RAB5B: variants seen among roughly 807,000 people sequenced by gnomAD.
RAB5B encodes RAB5B, member RAS oncogene family, also known as ras-related protein Rab-5B.
Under a neutral mutation model 28.6 loss-of-function variants are expected in RAB5B, and 11 were observed. The observed-to-expected ratio is 0.38, with a 90% CI of 0.24 to 0.64. RAB5B has a LOEUF of 0.64. Among genes scored for constraint, RAB5B ranks in the 30% least tolerant of loss-of-function variants. The pLI is 0.53. For missense variants in RAB5B, 169 were observed against 265.6 expected, an observed-to-expected ratio of 0.64 and a Z score of 2.53; for synonymous variants, 93 against 97.9, an observed-to-expected ratio of 0.95 and a Z score of 0.29.
rs763965433 is a variant in RAB5B, at chr12:55,992,148, G to C, written c.584G>C (p.Arg195Pro). 15 of 1,614,048 alleles carry C rather than the reference G, an allele frequency of 9.3e-6. No individual in the cohort carries two copies. Among genetic ancestry groups the C allele is most frequent in the Non-Finnish European group, 1.3e-5 (15 of 1,180,024 alleles). Reference sequence around the variant, plus strand: ...CAGAATCTGGGAGGTGCAGCAGGCCGAAGCCGGGGTGTGGATCTCCATGAA... The same window carrying C: ...CAGAATCTGGGAGGTGCAGCAGGCCCAAGCCGGGGTGTGGATCTCCATGAA... ...EPQNLGGAAGRSRGVDLHEQS... is the reference protein window; with the variant it reads ...EPQNLGGAAGPSRGVDLHEQS... Residue 195 changes from arginine (R) to proline (P), a missense_variant, in exon 6 of 6, where the codon CGA (arginine) becomes CCA (proline). By Grantham distance (103) the Arg-to-Pro change is moderately radical (BLOSUM62 -2). This residue lies in a region of RAB5B where 123 missense variants were observed against 162.4 expected (regional missense o/e 0.76). Coordinates refer to ENST00000360299, the MANE Select transcript of RAB5B (RefSeq NM_002868.4).
At position 55,992,290 on chromosome 12, in the gene RAB5B, C is replaced by T; in HGVS notation, c.*78C>T. 1 of 1,241,262 alleles carries T rather than the reference C, an allele frequency of 8.1e-7. No individual in the cohort carries two copies. The highest frequency in any genetic ancestry group is 1.3e-5 in the South Asian group (1 of 79,010). 76.9% of individuals were successfully genotyped at this position (1,241,262 alleles called of 1,614,324 possible). A position where few individuals can be genotyped will look rare whatever the true frequency, so the allele number is the denominator to read the frequency against. Reference sequence around the variant, plus strand: ...ACCTCCATCCCTACCCCTCAGCACACAACCCCTACGGTAACAGCACACTGA... The same window carrying T: ...ACCTCCATCCCTACCCCTCAGCACATAACCCCTACGGTAACAGCACACTGA... On this transcript the variant is annotated 3_prime_UTR_variant, in exon 6 of 6. Coordinates refer to ENST00000360299, the MANE Select transcript of RAB5B (RefSeq NM_002868.4).
intron 5 of RAB5B, 59 bp from the exon 6 acceptor site, chr12:55,992,038 G>A (rs1485077980): frequency 3.0e-6 from 4 of 1,348,568 alleles, no homozygotes; most frequent in Non-Finnish European, 4.2e-6. Context: ...GCGGGTGGAG[G>A]CAGAGGGGTA....
At chr12:55,979,236 T>C (rs1260234945) in intron 1 of RAB5B, 1 of 152,176 alleles carries the variant, frequency 6.6e-6, no homozygotes, top group Admixed American at 6.5e-5. Context: ...GGCATTCCAA[T>C]CTTACCTAGG....
At position 55,992,503 on chromosome 12, in the gene RAB5B, C is replaced by A; in HGVS notation, c.*291C>A. 1.8e-6 allele frequency: 1 copy of A among 566,226 alleles called. No homozygotes were observed. Among genetic ancestry groups the A allele is most frequent in the East Asian group, 4.1e-5 (1 of 24,498 alleles). 35.1% of individuals were successfully genotyped at this position (566,226 alleles called of 1,614,324 possible). A position where few individuals can be genotyped will look rare whatever the true frequency, so the allele number is the denominator to read the frequency against. On this transcript the variant is annotated 3_prime_UTR_variant, in exon 6 of 6. Transcript: ENST00000360299. ...ACTTTGTATTATAGGTACAAGACAGCGACTTACGTATCTTTTCTCCTCCTC... is the reference window on the plus strand; with the variant it reads ...ACTTTGTATTATAGGTACAAGACAGAGACTTACGTATCTTTTCTCCTCCTC...
chr12:55,980,760 C>T, intron 1 of RAB5B: 20 of 1,579,390 alleles, frequency 1.3e-5, no homozygotes, highest in Non-Finnish European at 1.7e-5. Context: ...GATTTCTCAT[C>T]CGTGATGTCG....
intron 4 of RAB5B, 96 bp downstream of exon 4, chr12:55,990,900 C>A: frequency 6.9e-7 from 1 of 1,458,810 alleles, no homozygotes. Flanking sequence ...CAACAGAGGA[C>A]ATTCATTGTC....
chr12:55,980,050 T>C (rs1055445516), intron 1 of RAB5B, among the ~76,000 whole-genome samples: 1 of 152,158 alleles, frequency 6.6e-6, no homozygotes, highest in Admixed American at 6.6e-5. Flanking sequence ...CCTAGTGTAG[T>C]GCCGAGCTAG....
At chr12:55,975,791 T>C (rs1369137705) in intron 1 of RAB5B, among the ~76,000 whole-genome samples, 1 of 105,532 alleles carries the variant, frequency 9.5e-6, no homozygotes, top group East Asian at 2.5e-4. Flanking sequence ...ACTACATTTC[T>C]TTTTTTTTTT....
At chr12:55,982,188 C>CT (rs945586010) in intron 1 of RAB5B, among the ~76,000 whole-genome samples, 3 of 148,380 alleles carry the variant, frequency 2.0e-5, no homozygotes, top group African/African-American at 5.0e-5. Context: ...CCCCATCTCC[C>CT]TTTTTTTTGT....
chr12:55,989,813 A>AC, intron 2 of RAB5B, 134 bp from the exon 3 acceptor site: 1 of 1,096,496 alleles, frequency 9.1e-7, no homozygotes, highest in African/African-American at 1.5e-5. Context: ...AGAACTCAAA[A>AC]CCTTTTCCTG....
At chr12:55,977,635 G>T (rs528393980) in intron 1 of RAB5B, among the ~76,000 whole-genome samples, 1 of 152,288 alleles carries the variant, frequency 6.6e-6, no homozygotes, top group South Asian at 2.1e-4. Flanking sequence ...CAGATTGGAA[G>T]GTAACCAAAG....
Position 55,989,944 on chromosome 12 carries a change from T to C in RAB5B, c.164-3T>C, listed in dbSNP as rs1370340664. 3 of 1,610,168 alleles carry C rather than the reference T, an allele frequency of 1.9e-6. No individual in the cohort carries two copies. Among genetic ancestry groups the C allele is most frequent in the Non-Finnish European group, 2.6e-6 (3 of 1,176,448 alleles). ...ATCTTCCCCTCCATTCTCTCATCCA[T>C]AGCGGCCTTCCTCACCCAGTCCGTT... On this transcript the variant is annotated splice_region_variant and splice_polypyrimidine_tract_variant and intron_variant, in intron 2 of 5. Coordinates refer to ENST00000360299, the MANE Select transcript of RAB5B (RefSeq NM_002868.4).
chr12:55,983,663 T>TC (rs1017601744), intron 1 of RAB5B, among the ~76,000 whole-genome samples: 1 of 150,446 alleles, frequency 6.6e-6, no homozygotes, highest in Admixed American at 6.6e-5. Flanking sequence ...CCTTTTTTTT[T>TC]TTTTTTTTTT....
chr12:55,979,954 T>TA (rs1889754046), intron 1 of RAB5B, among the ~76,000 whole-genome samples: 1 of 152,174 alleles, frequency 6.6e-6, no homozygotes, highest in South Asian at 2.1e-4. Context: ...TTATTTTATT[T>TA]TTTATTTATT....
At chr12:55,990,145 T>G (rs1305396063) in intron 3 of RAB5B, 47 bp downstream of exon 3, 2 of 1,563,152 alleles carry the variant, frequency 1.3e-6, no homozygotes, top group South Asian at 2.3e-5. Context: ...CATGGTGGCT[T>G]ACGCCTATAA....
chr12:55,983,835 T>C (rs545046490), intron 1 of RAB5B, among the ~76,000 whole-genome samples: 58 of 151,860 alleles, frequency 3.8e-4, no homozygotes, highest in Non-Finnish European at 6.3e-4. Context: ...TTTTTTTAAA[T>C]GTTTTCTAGA....
At chr12:55,980,796 C>T (rs565967120) in intron 1 of RAB5B, 1 of 1,579,776 alleles carries the variant, frequency 6.3e-7, no homozygotes, top group East Asian at 2.2e-5. Context: ...CCCATGGCTC[C>T]ACGGTAGTAG....
intron 1 of RAB5B, among the ~76,000 whole-genome samples, chr12:55,977,076 G>A (rs56115949): frequency 0.092 from 13,928 of 152,080 alleles, 2,142 homozygotes; most frequent in African/African-American, 0.32. Flanking sequence ...CTAGGTTCAC[G>A]CGATTCTCCT....
In RAB5B at chr12:55,996,003, A is replaced by ATATATATATATATATTTTT; in HGVS notation, c.*3792_*3793insATATATATATATATTTTTT. On this transcript the variant is annotated 3_prime_UTR_variant, in exon 6 of 6. Coordinates refer to ENST00000360299, the MANE Select transcript of RAB5B (RefSeq NM_002868.4). ...TATATACATATATATATATATATATATTTTTTTTTTAACAACTGGTAGGAT... is the reference window on the plus strand; with the variant it reads ...TATATACATATATATATATATATATATATATATATATATATTTTTTTTTTTTTTTAACAACTGGTAGGAT... 2.2e-4 allele frequency: 21 copies of ATATATATATATATATTTTT among 97,386 alleles called. No homozygotes were observed. The highest frequency in any genetic ancestry group is 3.2e-4 in the Non-Finnish European group (16 of 50,462). The allele number at this position is 97,386 out of a possible 1,614,324, so 6.0% of individuals were successfully genotyped here. A position where few individuals can be genotyped will look rare whatever the true frequency, so the allele number is the denominator to read the frequency against.
Sources: allele counts gnomAD v4.1 joint callset (sites outside exome capture counted in the v4.1 genomes callset), GRCh38; gene constraint gnomAD v4.1.1; regional missense constraint gnomAD v4.1.1; transcripts MANE v1.5; gene names NCBI Gene and HGNC (gene_info 2026-07-23, HGNC 2026-07-21).